SLC25A21: variants seen among roughly 807,000 people sequenced by gnomAD.
SLC25A21 encodes mitochondrial 2-oxodicarboxylate carrier.
In SLC25A21, 47 loss-of-function variants were observed where a neutral mutation model predicts 43.8. The observed-to-expected ratio is 1.07, with a 90% confidence interval of 0.85 to 1.37. The LOEUF (loss-of-function observed/expected upper bound fraction) is 1.37, where lower values mean the gene tolerates loss of function less well. Ranked by LOEUF, SLC25A21 falls within the 40% of genes most tolerant of loss-of-function variation. SLC25A21 has a pLI of 0.00. For missense variants in SLC25A21, 352 were observed against 350.2 expected, an observed-to-expected ratio of 1.00 and a Z score of -0.04; for synonymous variants, 131 against 121.3, an observed-to-expected ratio of 1.08 and a Z score of -0.52.
At chr14:36,759,312 G>C (rs1886052997) in intron 3 of SLC25A21, among the ~76,000 whole-genome samples, 1 of 152,072 alleles carries the variant, frequency 6.6e-6, no homozygotes. Context: ...TCTAAATCTA[G>C]GAAAAGCAAT....
intron 2 of SLC25A21, among the ~76,000 whole-genome samples, chr14:36,828,069 G>C (rs1011396853): frequency 6.6e-6 from 1 of 151,994 alleles, no homozygotes; most frequent in Non-Finnish European, 1.5e-5. Context: ...CACATAAAGG[G>C]GGAGGTGGTT....
chr14:36,900,837 A>T (rs1219870677), intron 1 of SLC25A21, among the ~76,000 whole-genome samples: 3 of 152,204 alleles, frequency 2.0e-5, no homozygotes, highest in African/African-American at 7.2e-5. Flanking sequence ...CAACTCTGGG[A>T]GCCATTGCAA....
At chr14:37,017,869 T>C (rs575703180) in intron 1 of SLC25A21, among the ~76,000 whole-genome samples, 62 of 152,042 alleles carry the variant, frequency 4.1e-4, no homozygotes, top group Non-Finnish European at 7.5e-4. Flanking sequence ...TGGGACAATA[T>C]AAAATTGAAG....
intron 2 of SLC25A21, among the ~76,000 whole-genome samples, chr14:36,862,734 T>G (rs1489835286): frequency 6.6e-6 from 1 of 152,178 alleles, no homozygotes; most frequent in South Asian, 2.1e-4. Context: ...ATTCTGCACA[T>G]GTATTCCAGA....
chr14:36,678,374 TAG>T lies in SLC25A21; in HGVS notation c.*2282_*2283del. On this transcript the variant is annotated 3_prime_UTR_variant, in exon 10 of 10. Transcript: ENST00000331299. The stretch of plus-strand genomic sequence containing the variant: ...AGCAACCGAAATTCAGTGCTACAAA[TAG>T]AGGATTATAACTTCAGGAGAAGAAT... The T allele has an allele frequency of 3.1e-6, 3 of 955,692 alleles. No individual in the cohort carries two copies. The highest frequency in any genetic ancestry group is 4.8e-6 in the Non-Finnish European group (3 of 623,388). 59.2% of individuals were successfully genotyped at this position (955,692 alleles called of 1,614,324 possible). A position where few individuals can be genotyped will look rare whatever the true frequency, so the allele number is the denominator to read the frequency against.
At chr14:36,940,302 C>G (rs181188962) in intron 1 of SLC25A21, among the ~76,000 whole-genome samples, 1 of 151,898 alleles carries the variant, frequency 6.6e-6, no homozygotes, top group Non-Finnish European at 1.5e-5. Context: ...GGAAATGACA[C>G]TATGTTTATT....
At chr14:36,796,577 A>T (rs539928289) in intron 3 of SLC25A21, among the ~76,000 whole-genome samples, 31 of 152,134 alleles carry the variant, frequency 2.0e-4, no homozygotes, top group Admixed American at 1.3e-4. Context: ...GACCTTGGGG[A>T]GCTCACTACT....
At chr14:36,981,981 C>T (rs1232169478) in intron 1 of SLC25A21, among the ~76,000 whole-genome samples, 2 of 152,158 alleles carry the variant, frequency 1.3e-5, no homozygotes, top group African/African-American at 4.8e-5. Context: ...TGGTGTCATG[C>T]ACACAACACG....
At chr14:37,099,224 C>T (rs1962769341) in intron 1 of SLC25A21, among the ~76,000 whole-genome samples, 1 of 152,158 alleles carries the variant, frequency 6.6e-6, no homozygotes, top group Non-Finnish European at 1.5e-5. Context: ...CTCCTCCCTA[C>T]CTTCCCCAGG....
intron 1 of SLC25A21, among the ~76,000 whole-genome samples, chr14:37,155,612 G>A (rs919277566): frequency 1.3e-5 from 2 of 151,948 alleles, no homozygotes; most frequent in South Asian, 4.2e-4. Context: ...AACCTTATAG[G>A]CCAGAAGAGA....
At chr14:37,041,127 T>C (rs1384014441) in intron 1 of SLC25A21, among the ~76,000 whole-genome samples, 1 of 152,124 alleles carries the variant, frequency 6.6e-6, no homozygotes, top group Non-Finnish European at 1.5e-5. Flanking sequence ...GCTGCCTTTG[T>C]GGGGAAAAAG....
intron 3 of SLC25A21, among the ~76,000 whole-genome samples, chr14:36,737,573 C>G (rs143478676): frequency 1.7e-3 from 254 of 152,284 alleles, no homozygotes; most frequent in African/African-American, 5.7e-3. Context: ...TACCTCCTCG[C>G]ATTGCTTTTA....
At chr14:37,105,944 G>A (rs1962903620) in intron 1 of SLC25A21, among the ~76,000 whole-genome samples, 1 of 152,136 alleles carries the variant, frequency 6.6e-6, no homozygotes, top group Non-Finnish European at 1.5e-5. Flanking sequence ...ACAGGCTGGA[G>A]CCGCGGCAGA....
At position 37,039,164 on chromosome 14, in the gene SLC25A21, G is replaced by A. The variant is rs1387183523; in HGVS notation, c.70+133117C>T. ...AGACAACCCTGTTGTTAGCAGATAG[G>A]ATCCTGCCTTTTCGCCTAATCATTG... On this transcript the variant is annotated intron_variant, in intron 1 of 9. Coordinates refer to ENST00000331299, the MANE Select transcript of SLC25A21 (RefSeq NM_030631.4). 2.0e-5 allele frequency among the ~76,000 whole-genome samples: 3 copies of A among 152,162 alleles called. No homozygotes were observed. The East Asian group carries it at 5.8e-4, about 29-fold the overall frequency.
chr14:36,715,994 G>A (rs1395955244), intron 6 of SLC25A21, among the ~76,000 whole-genome samples: 1 of 152,056 alleles, frequency 6.6e-6, no homozygotes, highest in Non-Finnish European at 1.5e-5. Context: ...GGGAGGCTGA[G>A]GCAGAAGAAT....
intron 1 of SLC25A21, among the ~76,000 whole-genome samples, chr14:36,909,865 T>A (rs1891636037): frequency 6.7e-6 from 1 of 148,524 alleles, no homozygotes; most frequent in East Asian, 1.9e-4. Flanking sequence ...ATATATAGAT[T>A]TTTTTTTAAG....
intron 2 of SLC25A21, among the ~76,000 whole-genome samples, 162 bp from the exon 3 acceptor site, chr14:36,814,163 T>A (rs150250286): frequency 5.9e-5 from 9 of 152,252 alleles, no homozygotes; most frequent in African/African-American, 1.9e-4. Context: ...CTTTACCTTA[T>A]TTTCATAGTC....
At chr14:36,979,767 T>C (rs576112901) in intron 1 of SLC25A21, among the ~76,000 whole-genome samples, 1 of 152,308 alleles carries the variant, frequency 6.6e-6, no homozygotes, top group Admixed American at 6.5e-5. Flanking sequence ...AAACCCACCT[T>C]TAAAAACTTT....
chr14:36,921,323 C>G (rs1463675388), intron 1 of SLC25A21, among the ~76,000 whole-genome samples: 1 of 152,114 alleles, frequency 6.6e-6, no homozygotes, highest in Non-Finnish European at 1.5e-5. Context: ...TTTGTTCATA[C>G]AGAGTGCATA....
Sources: gnomAD v4.1 joint callset for allele counts (sites outside exome capture counted in the v4.1 genomes callset) on GRCh38, gnomAD v4.1.1 for gene constraint, MANE v1.5 for transcripts, NCBI Gene and HGNC (gene_info 2026-07-23, HGNC 2026-07-21) for gene names.